SLC12A2: variants seen among roughly 807,000 people sequenced by gnomAD.
The protein encoded by SLC12A2 is solute carrier family 12 member 2.
A neutral mutation model predicts 136.3 loss-of-function variants in SLC12A2; 67 were observed. The observed-to-expected ratio is 0.49, with a 90% confidence interval of 0.40 to 0.60. The LOEUF is 0.60. SLC12A2 is among the 20% of genes least tolerant of loss of function. The pLI is 0.00. For synonymous variants in SLC12A2, 619 were observed against 562.9 expected, an observed-to-expected ratio of 1.10 and a Z score of -1.41; for missense variants, 1,322 against 1,534.7, an observed-to-expected ratio of 0.86 and a Z score of 2.32.
At chr5:128,098,509 A>AGT (rs1289968151) in intron 1 of SLC12A2, among the ~76,000 whole-genome samples, 1 of 146,682 alleles carries the variant, frequency 6.8e-6, no homozygotes, top group Non-Finnish European at 1.5e-5. Flanking sequence ...TTTTTTCTTG[A>AGT]GTGTGTGTTA....
chr5:128,188,471 T>G lies in SLC12A2; in HGVS notation c.*1840T>G, dbSNP rs1763936764. ...CACCATGCCCAGCTAATTTTTGTAT[T>G]TTGAGTAGAGACAGGGTTTCACCGT... On this transcript the variant is annotated 3_prime_UTR_variant, in exon 27 of 27. Transcript: ENST00000262461. 1 of 151,796 alleles carries G rather than the reference T, an allele frequency of 6.6e-6. No individual in the cohort carries two copies. Among genetic ancestry groups the G allele is most frequent in the South Asian group, 2.1e-4 (1 of 4,798 alleles). 9.4% of individuals were successfully genotyped at this position (151,796 alleles called of 1,614,324 possible).
chr5:128,121,337 T>A (rs1053483632), intron 4 of SLC12A2, among the ~76,000 whole-genome samples: 1 of 152,146 alleles, frequency 6.6e-6, no homozygotes. Context: ...TACCGTTTTT[T>A]TTTGAGACAG....
intron 4 of SLC12A2, among the ~76,000 whole-genome samples, chr5:128,125,118 A>AT (rs1761737533): frequency 6.6e-6 from 1 of 152,112 alleles, no homozygotes; most frequent in African/African-American, 2.4e-5. Context: ...ATCGGGCTTT[A>AT]TTTTTTCCAA....
At chr5:128,149,935 C>G (rs912219113) in intron 12 of SLC12A2, 62 bp from the exon 13 acceptor site, 2 of 1,106,706 alleles carry the variant, frequency 1.8e-6, no homozygotes, top group African/African-American at 1.5e-5. Context: ...TGAAATACTT[C>G]ATAATTTTAA....
At chr5:128,183,671 G>A (rs1285558525) in intron 24 of SLC12A2, among the ~76,000 whole-genome samples, 1 of 151,784 alleles carries the variant, frequency 6.6e-6, no homozygotes, top group Non-Finnish European at 1.5e-5. Context: ...TAAATTTTTA[G>A]TGTCTGCCCT....
At chr5:128,149,278 C>T (rs935035487) in intron 12 of SLC12A2, among the ~76,000 whole-genome samples, 1 of 151,642 alleles carries the variant, frequency 6.6e-6, no homozygotes, top group African/African-American at 2.4e-5. Flanking sequence ...TTGTCTAACC[C>T]CTGAGACTAG....
At chr5:128,104,089 C>T (rs1760837261) in intron 1 of SLC12A2, among the ~76,000 whole-genome samples, 1 of 152,090 alleles carries the variant, frequency 6.6e-6, no homozygotes, top group African/African-American at 2.4e-5. Flanking sequence ...TGTACGGAAA[C>T]CCAGGGGTCT....
At chr5:128,104,650 T>A (rs7730840) in intron 1 of SLC12A2, among the ~76,000 whole-genome samples, 20,382 of 137,526 alleles carry the variant, frequency 0.15, 1,533 homozygotes, top group African/African-American at 0.21. Flanking sequence ...GAAAAAAAAA[T>A]ATATATATAT....
At chr5:128,114,960 C>T (rs899370800) in intron 4 of SLC12A2, among the ~76,000 whole-genome samples, 1 of 152,108 alleles carries the variant, frequency 6.6e-6, no homozygotes, top group Non-Finnish European at 1.5e-5. Context: ...ATTGCCTCCT[C>T]CAAGGCTTGC....
chr5:128,174,498 A>T, intron 19 of SLC12A2, 43 bp from the exon 20 acceptor site: 1 of 1,465,732 alleles, frequency 6.8e-7, no homozygotes, highest in Non-Finnish European at 9.3e-7. Context: ...TTAACAGTTA[A>T]AATATGACTT....
Position 128,084,008 on chromosome 5 carries a change from CG to C in SLC12A2, c.58del (p.Glu20ArgfsTer122). On this transcript the variant is annotated frameshift_variant, in exon 1 of 27. Transcript: ENST00000262461. LOFTEE classifies it high-confidence loss of function. The surrounding 1 kb of genome is among the most constrained non-coding windows in gnomAD (Gnocchi z 5.6). ...CCGGCGCCCCGGGACTGGCCGGGGT[CG>C]GGGAGACGCCGTCAGCCGCTGCGCT... ...SSGAPGLAGV[G>X]ETPSAAALAA... 1 of 1,253,404 alleles carries C rather than the reference CG, an allele frequency of 8.0e-7. No homozygotes were observed. Among genetic ancestry groups the C allele is most frequent in the South Asian group, 3.1e-5 (1 of 32,388 alleles). The allele number at this position is 1,253,404 out of a possible 1,614,324, so 77.6% of individuals were successfully genotyped here.
intron 1 of SLC12A2, among the ~76,000 whole-genome samples, chr5:128,102,748 G>A (rs71587964): frequency 2.0e-5 from 3 of 150,672 alleles, no homozygotes; most frequent in Non-Finnish European, 4.4e-5. Flanking sequence ...AAGTAGCTGA[G>A]ACTACAGGCA....
chr5:128,112,381 C>T (rs1043918124), intron 1 of SLC12A2, among the ~76,000 whole-genome samples: 3 of 152,112 alleles, frequency 2.0e-5, no homozygotes, highest in South Asian at 2.1e-4. Flanking sequence ...AAAACATATT[C>T]GTTGGTGATG....
chr5:128,165,453 G>A (rs1340640510), intron 17 of SLC12A2, among the ~76,000 whole-genome samples: 1 of 152,166 alleles, frequency 6.6e-6, no homozygotes, highest in African/African-American at 2.4e-5. Flanking sequence ...ATAAGCTTCA[G>A]ATGACTGCAT....
chr5:128,110,707 C>T lies in SLC12A2; in HGVS notation c.757-2107C>T. The T allele has an allele frequency of 1.2e-5, 17 of 1,439,694 alleles. No individual in the cohort carries two copies. The South Asian group carries it at 1.3e-4, about 11-fold the overall frequency. 89.2% of individuals were successfully genotyped at this position (1,439,694 alleles called of 1,614,324 possible). On this transcript the variant is annotated intron_variant, in intron 1 of 26. Coordinates refer to ENST00000262461, the MANE Select transcript of SLC12A2 (RefSeq NM_001046.3). The stretch of plus-strand genomic sequence containing the variant: ...ACAATGAGCTCTGCAGCCCTGGAAA[C>T]ACTACATTCCAGTGAAGAGCAACCT...
intron 1 of SLC12A2, among the ~76,000 whole-genome samples, chr5:128,103,354 A>G (rs866771642): frequency 6.6e-6 from 1 of 152,324 alleles, no homozygotes; most frequent in Middle Eastern, 3.4e-3. Flanking sequence ...AGCACACATT[A>G]CTAGTGAGTA....
intron 1 of SLC12A2, among the ~76,000 whole-genome samples, chr5:128,108,737 G>A (rs531815550): frequency 3.3e-5 from 5 of 152,260 alleles, no homozygotes; most frequent in African/African-American, 1.2e-4. Context: ...GTAGATATAC[G>A]AAAAATCATT....
At chr5:128,152,612 T>G (rs775960126) in intron 14 of SLC12A2, 94 bp from the exon 15 acceptor site, 3 of 800,188 alleles carry the variant, frequency 3.7e-6, no homozygotes, top group Non-Finnish European at 4.5e-6. Flanking sequence ...ACTTTTTAAA[T>G]GTGAAAGCAT....
chr5:128,140,682 T>C (rs1391275486), intron 9 of SLC12A2, among the ~76,000 whole-genome samples: 1 of 149,868 alleles, frequency 6.7e-6, no homozygotes, highest in Non-Finnish European at 1.5e-5. Context: ...GTTGTTAAGC[T>C]CAAAGAAGTG....
Sources: allele counts gnomAD v4.1 joint callset (sites outside exome capture counted in the v4.1 genomes callset), GRCh38; gene constraint gnomAD v4.1.1; non-coding constraint Gnocchi (gnomAD v3.1); transcripts MANE v1.5; gene names NCBI Gene and HGNC (gene_info 2026-07-23, HGNC 2026-07-21).